CAMK2D: variants seen among roughly 807,000 people sequenced by gnomAD.
CAMK2D encodes calcium/calmodulin-dependent protein kinase type II subunit delta.
In CAMK2D, 37 loss-of-function variants were observed where a neutral mutation model predicts 84.0. The ratio of observed to expected loss-of-function variants is 0.44; its 90% CI spans 0.34 to 0.58. CAMK2D has a LOEUF of 0.58. CAMK2D is among the 20% of genes least tolerant of loss of function. CAMK2D has a pLI of 0.02. For synonymous variants in CAMK2D, 202 were observed against 212.5 expected (o/e 0.95, Z 0.43); for missense variants, 448 against 652.5 (o/e 0.69, Z 3.41).
chr4:113,656,466 T>C (rs984279225), intron 3 of CAMK2D, among the ~76,000 whole-genome samples: 24 of 152,136 alleles, frequency 1.6e-4, no homozygotes, highest in African/African-American at 5.8e-4. Flanking sequence ...TTATCACTGA[T>C]TGTGCTCATG....
intron 4 of CAMK2D, among the ~76,000 whole-genome samples, chr4:113,580,960 A>ATTTT (rs1288891541): frequency 2.6e-5 from 4 of 151,986 alleles, no homozygotes; most frequent in Non-Finnish European, 5.9e-5. Context: ...TAGCTAATGC[A>ATTTT]TGCTGGGCTT....
At chr4:113,587,389 T>C (rs1274666438) in intron 4 of CAMK2D, among the ~76,000 whole-genome samples, 2 of 152,178 alleles carry the variant, frequency 1.3e-5, no homozygotes, top group Non-Finnish European at 2.9e-5. Context: ...CTGAGGCAAA[T>C]TTCATTTGTG....
Position 113,517,606 on chromosome 4 carries a change from T to G in CAMK2D, c.653A>C (p.Asp218Ala). ...GATCTGCTGATAGAGTCTGTGTTGG[T>G]CTTCATCCCAGAAGGGTGGATACCC... ...LVGYPPFWDE[D>A]QHRLYQQIKA... The change falls in exon 9 of 21, where the codon GAC becomes GCC. Residue 218 changes from aspartate (D) to alanine (A), a missense_variant. Asp to Ala is a moderately radical substitution (Grantham distance 126, BLOSUM62 -2). Coordinates refer to ENST00000511664, the MANE Select transcript of CAMK2D (RefSeq NM_001321571.2). The G allele has an allele frequency of 6.3e-7, 1 of 1,594,272 alleles. No homozygotes were observed. The highest frequency in any genetic ancestry group is 8.6e-7 in the Non-Finnish European group (1 of 1,162,358).
At chr4:113,590,162 T>C (rs2098859824) in intron 4 of CAMK2D, among the ~76,000 whole-genome samples, 2 of 152,202 alleles carry the variant, frequency 1.3e-5, no homozygotes, top group Admixed American at 1.3e-4. Context: ...GATAAATGAA[T>C]GTAGAATCTT....
chr4:113,607,288 GAC>G (rs1440488878), intron 4 of CAMK2D, among the ~76,000 whole-genome samples: 2 of 152,164 alleles, frequency 1.3e-5, no homozygotes, highest in African/African-American at 4.8e-5. Flanking sequence ...ACATGAGCAA[GAC>G]ATGGATGAAC....
intron 6 of CAMK2D, among the ~76,000 whole-genome samples, chr4:113,545,324 C>T (rs892851868): frequency 6.6e-6 from 1 of 152,100 alleles, no homozygotes; most frequent in African/African-American, 2.4e-5. Flanking sequence ...ATGACATTTC[C>T]TGTGTTTCTT....
intron 12 of CAMK2D, among the ~76,000 whole-genome samples, chr4:113,511,306 T>TA (rs910252792): frequency 3.3e-5 from 5 of 152,082 alleles, no homozygotes; most frequent in African/African-American, 4.8e-5. Flanking sequence ...AGTGATGGAT[T>TA]AAAAAAATTG....
At chr4:113,489,415 T>C (rs887902822) in intron 16 of CAMK2D, among the ~76,000 whole-genome samples, 28 of 151,498 alleles carry the variant, frequency 1.8e-4, no homozygotes, top group Non-Finnish European at 3.2e-4. Context: ...CTTGCGATAG[T>C]TTACTGAGAA....
chr4:113,508,346 A>T, intron 13 of CAMK2D: 1 of 1,072,868 alleles, frequency 9.3e-7, no homozygotes, highest in Non-Finnish European at 1.4e-6. Context: ...AGCATGGAGT[A>T]TAGAATAATT....
intron 2 of CAMK2D, among the ~76,000 whole-genome samples, chr4:113,705,728 T>C (rs962356527): frequency 6.6e-6 from 1 of 152,242 alleles, no homozygotes; most frequent in Non-Finnish European, 1.5e-5. Flanking sequence ...GACTGGAGAC[T>C]GTATTTTCTT....
chr4:113,711,528 T>G lies in CAMK2D; in HGVS notation c.160+47792A>C, dbSNP rs141809127. Reference sequence around the variant, plus strand: ...GAGATATTTAAATGAGTTGATAAAGTTTGGCCTCAAAGCAACTGCAAAAGT... The same window carrying G: ...GAGATATTTAAATGAGTTGATAAAGGTTGGCCTCAAAGCAACTGCAAAAGT... On this transcript the variant is annotated intron_variant, in intron 2 of 20. Transcript: ENST00000511664. 2.1e-3 allele frequency among the ~76,000 whole-genome samples: 321 copies of G among 152,284 alleles called. 4 individuals carry two copies. The highest frequency in any genetic ancestry group is 0.014 in the South Asian group (66 of 4,830).
chr4:113,761,226 C>A lies in CAMK2D; in HGVS notation c.-158G>T, dbSNP rs2099640808. On this transcript the variant is annotated 5_prime_UTR_variant, in exon 1 of 21. Transcript: ENST00000511664. ...GCCCGCGAGGGAGTGTGCGCAGGGG[C>A]GGGGCGGGAGGGGAGATGACCAGAA... 4 of 859,724 alleles carry A rather than the reference C, an allele frequency of 4.7e-6. No individual in the cohort carries two copies. The highest frequency in any genetic ancestry group is 4.3e-4 in the Middle Eastern group (1 of 2,306). 53.3% of individuals were successfully genotyped at this position (859,724 alleles called of 1,614,324 possible).
intron 2 of CAMK2D, among the ~76,000 whole-genome samples, chr4:113,692,808 T>C (rs2099392131): frequency 6.6e-6 from 1 of 152,140 alleles, no homozygotes; most frequent in South Asian, 2.1e-4. Flanking sequence ...TCTACCTATC[T>C]ATCTATCTTG....
At chr4:113,587,087 G>A (rs1188249391) in intron 4 of CAMK2D, among the ~76,000 whole-genome samples, 2 of 152,106 alleles carry the variant, frequency 1.3e-5, no homozygotes, top group African/African-American at 2.4e-5. Flanking sequence ...TCAGTGTCAG[G>A]CAAATCTAAG....
In CAMK2D at chr4:113,570,659, T is replaced by G. The variant is rs2098748464; in HGVS notation, c.276-18563A>C. On this transcript the variant is annotated intron_variant, in intron 4 of 20. Transcript: ENST00000511664. ...ATATAAAAATCAACTCAAAATAGAT[T>G]AAAGACTTAAATGTAAGATTTAAAA... Among the ~76,000 whole-genome samples, 3 of 152,144 alleles carry G rather than the reference T, an allele frequency of 2.0e-5. No homozygotes were observed. The South Asian group carries it at 6.2e-4, about 32-fold the overall frequency.
chr4:113,601,070 G>C (rs2098949916), intron 4 of CAMK2D, among the ~76,000 whole-genome samples: 1 of 152,178 alleles, frequency 6.6e-6, no homozygotes. Flanking sequence ...ATATCAAATA[G>C]TATTTATCAC....
At chr4:113,629,065 C>T (rs557510616) in intron 3 of CAMK2D, among the ~76,000 whole-genome samples, 1 of 151,984 alleles carries the variant, frequency 6.6e-6, no homozygotes, top group South Asian at 2.1e-4. Flanking sequence ...CTCAGCAGTG[C>T]ACTGGAATTA....
At chr4:113,652,548 T>G (rs149157294) in intron 3 of CAMK2D, among the ~76,000 whole-genome samples, 1 of 152,152 alleles carries the variant, frequency 6.6e-6, no homozygotes, top group Non-Finnish European at 1.5e-5. Context: ...GCGACATGAG[T>G]TATTCTTCCC....
intron 2 of CAMK2D, among the ~76,000 whole-genome samples, chr4:113,709,746 G>GATATATATATAGATATATATATAT (rs2099483249): frequency 2.0e-5 from 1 of 49,824 alleles, no homozygotes; most frequent in African/African-American, 1.1e-4. Flanking sequence ...AGCCGTGAAC[G>GATATATATATAGATATATATATAT]ATATATATAT....
Sources: gnomAD v4.1 joint callset for allele counts (sites outside exome capture counted in the v4.1 genomes callset) on GRCh38, gnomAD v4.1.1 for gene constraint, MANE v1.5 for transcripts, NCBI Gene and HGNC (gene_info 2026-07-23, HGNC 2026-07-21) for gene names.